RAE1: variants seen among roughly 807,000 people sequenced by gnomAD.
The protein encoded by RAE1 is ribonucleic acid export 1.
A neutral mutation model predicts 52.7 loss-of-function variants in RAE1; 13 were observed. The ratio of observed to expected loss-of-function variants is 0.25; its 90% CI spans 0.16 to 0.39. The LOEUF is 0.39. RAE1 is among the 10% of genes least tolerant of loss of function. The pLI is 1.00. For missense variants in RAE1, 262 were observed against 459.8 expected, an observed-to-expected ratio of 0.57 and a Z score of 3.93; for synonymous variants, 164 against 153.1, an observed-to-expected ratio of 1.07 and a Z score of -0.52.
chr20:57,354,654 C>G, intron 2 of RAE1, 58 bp from the exon 3 acceptor site: 1 of 1,287,654 alleles, frequency 7.8e-7, no homozygotes, highest in Non-Finnish European at 1.1e-6. Flanking sequence ...AGAAAGAAAA[C>G]AATTTGGAAT....
chr20:57,371,680 C>A (rs1374686222), intron 8 of RAE1: 1 of 152,206 alleles, frequency 6.6e-6, no homozygotes, highest in Admixed American at 6.5e-5. Context: ...AATCACCATA[C>A]GATCTAGCAG....
At chr20:57,374,477 C>A in intron 10 of RAE1, 130 bp from the exon 11 acceptor site, 1 of 858,772 alleles carries the variant, frequency 1.2e-6, no homozygotes, top group Non-Finnish European at 1.8e-6. Context: ...CTCTTGCTAT[C>A]AGCGGGCAGC....
intron 8 of RAE1, among the ~76,000 whole-genome samples, chr20:57,369,380 G>A (rs1297655323): frequency 3.3e-5 from 5 of 152,204 alleles, no homozygotes; most frequent in Non-Finnish European, 5.9e-5. Flanking sequence ...AGCACCCTCG[G>A]AGAGAACTGA....
chr20:57,365,152 C>T (rs1215441594), intron 4 of RAE1, among the ~76,000 whole-genome samples: 2 of 152,074 alleles, frequency 1.3e-5, no homozygotes, highest in Non-Finnish European at 2.9e-5. Flanking sequence ...TATGTTCTCG[C>T]TTAGAAAAGT....
chr20:57,353,455 G>A (rs2066739902), intron 1 of RAE1, among the ~76,000 whole-genome samples: 1 of 152,240 alleles, frequency 6.6e-6, no homozygotes, highest in African/African-American at 2.4e-5. Flanking sequence ...TTCTTGCTGG[G>A]TAAATGTCCA....
At chr20:57,375,966 G>T (rs1343145309) in intron 11 of RAE1, among the ~76,000 whole-genome samples, 3 of 152,196 alleles carry the variant, frequency 2.0e-5, no homozygotes, top group African/African-American at 7.2e-5. Flanking sequence ...AGCCTGGGGG[G>T]CCACCACAGG....
intron 4 of RAE1, chr20:57,359,552 T>G (rs1286631531): frequency 6.6e-6 from 1 of 152,250 alleles, no homozygotes; most frequent in Non-Finnish European, 1.5e-5. Context: ...TAAAGAGCTG[T>G]CTGTCTCTCT....
At chr20:57,354,633 G>C (rs2066757793) in intron 2 of RAE1, 79 bp from the exon 3 acceptor site, 1 of 1,003,906 alleles carries the variant, frequency 1.0e-6, no homozygotes, top group African/African-American at 1.7e-5. Flanking sequence ...GCCACCGTGA[G>C]GTAATTAGTG....
chr20:57,366,590 T>G (rs2066957323), intron 5 of RAE1, among the ~76,000 whole-genome samples: 2 of 152,200 alleles, frequency 1.3e-5, no homozygotes. Flanking sequence ...AGGCCCCACC[T>G]TCAACACTGG....
intron 11 of RAE1, among the ~76,000 whole-genome samples, chr20:57,377,605 G>A (rs975948597): frequency 9.2e-5 from 14 of 152,182 alleles, no homozygotes; most frequent in African/African-American, 3.4e-4. Flanking sequence ...CATGTGGGGC[G>A]GGGTGTCCTC....
At chr20:57,354,681 A>G (rs2066758414) in intron 2 of RAE1, 31 bp from the exon 3 acceptor site, 13 of 1,489,210 alleles carry the variant, frequency 8.7e-6, no homozygotes, top group African/African-American at 1.4e-5. Context: ...GTGAGCGTGC[A>G]TACATTTTAA....
intron 5 of RAE1, 127 bp downstream of exon 5, chr20:57,365,569 A>G (rs1025441728): frequency 3.3e-6 from 2 of 614,936 alleles, no homozygotes; most frequent in Non-Finnish European, 5.3e-6. Context: ...AATCAATTAG[A>G]CAATATAACA....
At chr20:57,359,251 C>T in intron 4 of RAE1, 1 of 367,484 alleles carries the variant, frequency 2.7e-6, no homozygotes, top group Non-Finnish European at 4.8e-6. Flanking sequence ...GTTGGGTTAA[C>T]AGTGCAAATA....
intron 3 of RAE1, among the ~76,000 whole-genome samples, chr20:57,355,017 T>C (rs1304361027): frequency 6.6e-6 from 1 of 152,204 alleles, no homozygotes; most frequent in Non-Finnish European, 1.5e-5. Flanking sequence ...AGCACAATCA[T>C]ATGTGTTGCT....
chr20:57,353,622 A>G (rs2066743130), intron 1 of RAE1, among the ~76,000 whole-genome samples: 2 of 152,352 alleles, frequency 1.3e-5, no homozygotes, highest in Non-Finnish European at 2.9e-5. Flanking sequence ...ACCTGAAAGC[A>G]CGGGGACCTG....
chr20:57,370,893 CCT>C (rs1211086255), intron 8 of RAE1, among the ~76,000 whole-genome samples: 1 of 152,092 alleles, frequency 6.6e-6, no homozygotes, highest in African/African-American at 2.4e-5. Flanking sequence ...TGAACCTGCC[CCT>C]CTCGGCCACC....
At chr20:57,360,535 G>A (rs2146144086) in intron 4 of RAE1, among the ~76,000 whole-genome samples, 1 of 152,292 alleles carries the variant, frequency 6.6e-6, no homozygotes. Context: ...TCTGGCGAAT[G>A]GTTTTGTTAA....
In RAE1 at chr20:57,378,184, T is replaced by A; in HGVS notation, c.*85T>A. The A allele has an allele frequency of 2.7e-6, 3 of 1,122,874 alleles. No individual in the cohort carries two copies. The highest frequency in any genetic ancestry group is 1.5e-5 in the South Asian group (1 of 67,636). 69.6% of individuals were successfully genotyped at this position (1,122,874 alleles called of 1,614,324 possible). On this transcript the variant is annotated 3_prime_UTR_variant, in exon 12 of 12. Transcript: ENST00000395841. ...GAATTTGGGTCCCAGCCTTGTTGGG[T>A]TGTCAGCCATGGACATGGATTTCAA...
intron 4 of RAE1, among the ~76,000 whole-genome samples, chr20:57,361,455 G>C (rs1394054161): frequency 1.3e-5 from 2 of 152,148 alleles, no homozygotes; most frequent in Non-Finnish European, 2.9e-5. Context: ...TTTGGGGTTT[G>C]GCAAAGGTAT....
Sources: allele counts gnomAD v4.1 joint callset (sites outside exome capture counted in the v4.1 genomes callset), GRCh38; gene constraint gnomAD v4.1.1; transcripts MANE v1.5; gene names NCBI Gene and HGNC (gene_info 2026-07-23, HGNC 2026-07-21).